Variants in HECTD4 observed in about 807,000 individuals in gnomAD.
HECTD4 encodes the protein HECT domain E3 ubiquitin protein ligase 4.
HECTD4 carries 114 observed loss-of-function variants against 471.5 expected under a neutral mutation model. That is an observed-to-expected ratio of 0.24 (90% confidence interval 0.21 to 0.28). The LOEUF (loss-of-function observed/expected upper bound fraction) is 0.28. Among genes scored for constraint, HECTD4 ranks in the 10% least tolerant of loss-of-function variants. The pLI is 1.00. For missense variants in HECTD4, 3,866 were observed against 5,651.5 expected (o/e 0.68, Z 10.13); for synonymous variants, 2,012 against 2,256.0 (o/e 0.89, Z 3.07).
Position 112,171,209 on chromosome 12 carries a change from G to A in HECTD4, c.11840C>T (p.Thr3947Ile), listed in dbSNP as rs2137007059. 2 of 1,612,990 alleles carry A rather than the reference G, an allele frequency of 1.2e-6. No homozygotes were observed. Among genetic ancestry groups the A allele is most frequent in the East Asian group, 4.5e-5 (2 of 44,858 alleles). ...GGGCAGGAAGAAGGTCTCCAGTGTG[G>A]TGTTGAGGGACTGCAGCAAGGCGAA... Reference protein sequence around the residue: ...LRFALLQSLNTTLETFFLPLV... With the variant: ...LRFALLQSLNITLETFFLPLV... The change falls in exon 68 of 76, where the codon ACC becomes ATC. Residue 3947 changes from threonine (T) to isoleucine (I), a missense_variant. Around this residue, in one of 16 missense-constraint regions of HECTD4, gnomAD observed 715 missense variants for 1,087.6 expected, o/e 0.66. Transcript: ENST00000682272.
intron 49 of HECTD4, among the ~76,000 whole-genome samples, chr12:112,210,925 G>T (rs944321086): frequency 6.6e-6 from 1 of 152,200 alleles, no homozygotes; most frequent in African/African-American, 2.4e-5. Flanking sequence ...ATGCATGAAT[G>T]GAACAGGCTG....
At position 112,259,108 on chromosome 12, in the gene HECTD4, A is replaced by C; in HGVS notation, c.3027+4T>G. ...AGTTCACTTTGGCACACCAAGGATC[A>C]TACCTGGCTGGTATAGAGTACCAGC... On this transcript the variant is annotated splice_donor_region_variant and intron_variant, in intron 19 of 75. Transcript: ENST00000682272. 6.2e-7 allele frequency: 1 copy of C among 1,603,616 alleles called. No individual in the cohort carries two copies. The highest frequency in any genetic ancestry group is 1.8e-5 in the Admixed American group (1 of 56,190).
chr12:112,340,391 T>C (rs2036034183), intron 1 of HECTD4, among the ~76,000 whole-genome samples: 1 of 151,584 alleles, frequency 6.6e-6, no homozygotes, highest in South Asian at 2.1e-4. Context: ...CAATCAGCTC[T>C]GCCTCTGGAA....
chr12:112,288,107 T>C (rs2034795204), intron 7 of HECTD4, among the ~76,000 whole-genome samples: 1 of 151,338 alleles, frequency 6.6e-6, no homozygotes, highest in South Asian at 2.1e-4. Context: ...AGCAGGTGGA[T>C]CACTTGAGGC....
Position 112,162,784 on chromosome 12 carries a change from A to C in HECTD4, c.13120+258T>G. 1 of 528,904 alleles carries C rather than the reference A, an allele frequency of 1.9e-6. No individual in the cohort carries two copies. Among genetic ancestry groups the C allele is most frequent in the Non-Finnish European group, 3.3e-6 (1 of 303,336 alleles). 32.8% of individuals were successfully genotyped at this position (528,904 alleles called of 1,614,324 possible). A position where few individuals can be genotyped will look rare whatever the true frequency, so the allele number is the denominator to read the frequency against. The stretch of plus-strand genomic sequence containing the variant: ...AAATTGTTTCTTTTTTTTTTTTTTT[A>C]ACCATTTTTCTGCATTTAAAAGTTA... On this transcript the variant is annotated intron_variant, in intron 75 of 75. Coordinates refer to ENST00000682272, the MANE Select transcript of HECTD4 (RefSeq NM_001388303.1). The surrounding 1 kb of genome is among the most constrained non-coding windows in gnomAD (Gnocchi z 5.2).
At position 112,231,293 on chromosome 12, in the gene HECTD4, G is replaced by A; in HGVS notation, c.6200+220C>T. ...TGGCTATAAATGTCCCCTCAGCCAG[G>A]AGCATCCCTCTATTCTTTCATGACA... is the stretch of plus-strand genomic sequence containing the variant. On this transcript the variant is annotated intron_variant, in intron 39 of 75. Transcript: ENST00000682272. The A allele has an allele frequency of 6.9e-6, 4 of 577,896 alleles. No individual in the cohort carries two copies. In the South Asian group the frequency reaches 8.3e-5, roughly 12 times the overall value. 35.8% of individuals were successfully genotyped at this position (577,896 alleles called of 1,614,324 possible). A position where few individuals can be genotyped will look rare whatever the true frequency, so the allele number is the denominator to read the frequency against.
In HECTD4 at chr12:112,179,274, CTAAGA is replaced by C; in HGVS notation, c.11106_11110del (p.Tyr3702Ter). On this transcript the variant is annotated stop_gained and frameshift_variant, in exon 63 of 76. Transcript: ENST00000682272. LOFTEE classifies it high-confidence loss of function. This position sits in a 1 kb window ranked among gnomAD's most constrained non-coding sequence, Gnocchi z 4.3. ...GGTCTGGGAGTTGATCTGCTCTTTG[CTAAGA>C]TAAATGTCAGAGACTCTGATGGGCT... 6.2e-7 allele frequency: 1 copy of C among 1,613,566 alleles called. No individual in the cohort carries two copies. The highest frequency in any genetic ancestry group is 8.5e-7 in the Non-Finnish European group (1 of 1,179,718).
chr12:112,255,780 C>T (rs569106530), intron 21 of HECTD4, among the ~76,000 whole-genome samples: 1 of 152,300 alleles, frequency 6.6e-6, no homozygotes, highest in Non-Finnish European at 1.5e-5. Context: ...GCTTCAACCC[C>T]TAAGATGCTT....
In HECTD4 at chr12:112,179,789, C is replaced by T. The variant is rs2031598826; in HGVS notation, c.10988-392G>A. Among the ~76,000 whole-genome samples, 1 of 152,184 alleles carries T rather than the reference C, an allele frequency of 6.6e-6. No individual in the cohort carries two copies. The highest frequency in any genetic ancestry group is 2.4e-5 in the African/African-American group (1 of 41,438). ...GACTTGAGCCATTGTCCTCCTGGGG[C>T]TATTTATCATAGCAGTTTAGTCTAG... On this transcript the variant is annotated intron_variant, in intron 62 of 75. Coordinates refer to ENST00000682272, the MANE Select transcript of HECTD4 (RefSeq NM_001388303.1). The surrounding 1 kb of genome is among the most constrained non-coding windows in gnomAD (Gnocchi z 4.3).
intron 43 of HECTD4, 35 bp from the exon 44 acceptor site, chr12:112,226,793 A>AT: frequency 6.8e-7 from 1 of 1,467,076 alleles, no homozygotes; most frequent in Non-Finnish European, 9.4e-7. Flanking sequence ...TTTCAAAGTC[A>AT]TCAGTGTTCA....
At chr12:112,168,093 C>A (rs552484615) in intron 70 of HECTD4, among the ~76,000 whole-genome samples, 176 bp from the exon 71 acceptor site, 1 of 152,334 alleles carries the variant, frequency 6.6e-6, no homozygotes, top group South Asian at 2.1e-4. Flanking sequence ...ATCCTGCTCT[C>A]CACTCACTAG....
Position 112,236,613 on chromosome 12 carries a change from C to T in HECTD4, c.5444+332G>A, listed in dbSNP as rs147611989. On this transcript the variant is annotated intron_variant, in intron 35 of 75. Coordinates refer to ENST00000682272, the MANE Select transcript of HECTD4 (RefSeq NM_001388303.1). ...GTTAATTACAGGCCCTGACTCATTC[C>T]TCTTTAATCTTGCTACAATGAGGGT... 2.2e-4 allele frequency among the ~76,000 whole-genome samples: 33 copies of T among 152,318 alleles called. 1 individual carries two copies. In the East Asian group the frequency reaches 4.4e-3, roughly 20 times the overall value.
rs1253882231 is a variant in HECTD4, at chr12:112,270,479, C to T, written c.1943-20G>A. ...CCTCTTCTAGAAGATGAAAAGGAAACTGAGTGAGGAAAGACATCTCTATGG... is the reference window on the plus strand; with the variant it reads ...CCTCTTCTAGAAGATGAAAAGGAAATTGAGTGAGGAAAGACATCTCTATGG... On this transcript the variant is annotated intron_variant, in intron 11 of 75. Coordinates refer to ENST00000682272, the MANE Select transcript of HECTD4 (RefSeq NM_001388303.1). 1 of 1,597,322 alleles carries T rather than the reference C, an allele frequency of 6.3e-7. No individual in the cohort carries two copies. The highest frequency in any genetic ancestry group is 2.2e-5 in the East Asian group (1 of 44,794).
chr12:112,269,238 T>G (rs1165351842), intron 13 of HECTD4, among the ~76,000 whole-genome samples: 1 of 152,178 alleles, frequency 6.6e-6, no homozygotes, highest in African/African-American at 2.4e-5. Context: ...CATCAGGCCT[T>G]ACCTTAGGAA....
In HECTD4 at chr12:112,243,620, A is replaced by G. The variant is rs779176417; in HGVS notation, c.4791T>C (p.Ala1597=). Residue 1597 remains alanine (A), a splice_region_variant and synonymous_variant, in exon 31 of 76, where the codon GCT becomes GCC. Transcript: ENST00000682272. The surrounding 1 kb of genome is among the most constrained non-coding windows in gnomAD (Gnocchi z 6.6). ...CTGGAGCCCGCAAAATGTGACGTAC[A>G]GCTTGGTCAGGGTTGGTGCCGATGA... ...FAFIGTNPDQ[A]VSSSSFLLAA... 1.2e-6 allele frequency: 2 copies of G among 1,610,186 alleles called. No homozygotes were observed. The highest frequency in any genetic ancestry group is 1.7e-6 in the Non-Finnish European group (2 of 1,177,992).
rs933345592 is a variant in HECTD4 at position 112,381,396 on chromosome 12, C to T, written c.177+556G>A. Among the ~76,000 whole-genome samples, 3 of 152,266 alleles carry T rather than the reference C, an allele frequency of 2.0e-5. No individual in the cohort carries two copies. Reference sequence around the variant, plus strand: ...TCCCTGACAAAGGCCCCGTGTCAATCCATCCGAGACACAACACAGAGAAGT... The same window carrying T: ...TCCCTGACAAAGGCCCCGTGTCAATTCATCCGAGACACAACACAGAGAAGT... On this transcript the variant is annotated intron_variant, in intron 1 of 75. Transcript: ENST00000682272. The surrounding 1 kb of genome is among the most constrained non-coding windows in gnomAD (Gnocchi z 4.1).
At chr12:112,221,181 TA>T (rs549391844) in intron 44 of HECTD4, among the ~76,000 whole-genome samples, 102 of 152,014 alleles carry the variant, frequency 6.7e-4, no homozygotes, top group African/African-American at 2.4e-3. Flanking sequence ...AAATTACAAT[TA>T]AAAAAAAGCA....
chr12:112,202,788 C>T (rs1418255932), intron 54 of HECTD4, among the ~76,000 whole-genome samples: 3 of 152,174 alleles, frequency 2.0e-5, no homozygotes, highest in Non-Finnish European at 4.4e-5. Context: ...TGTCCTCTCT[C>T]ACTCTGCCCC....
chr12:112,273,624 C>A (rs773107379), intron 11 of HECTD4, 31 bp downstream of exon 11: 34 of 1,605,150 alleles, frequency 2.1e-5, no homozygotes, highest in Non-Finnish European at 2.8e-5. Context: ...AGAGGAAAAT[C>A]TTTTCCTGCA....
Sources: gnomAD v4.1 joint callset for allele counts (sites outside exome capture counted in the v4.1 genomes callset) on GRCh38, gnomAD v4.1.1 for gene constraint, gnomAD v4.1.1 regional missense constraint, Gnocchi (gnomAD v3.1) non-coding constraint, MANE v1.5 for transcripts, NCBI Gene and HGNC (gene_info 2026-07-23, HGNC 2026-07-21) for gene names.